Variants in SREBF2 observed in about 807,000 individuals in gnomAD.
SREBF2 encodes sterol regulatory element-binding protein 2.
SREBF2 carries 55 observed loss-of-function variants against 113.1 expected under a neutral mutation model. The ratio of observed to expected loss-of-function variants is 0.49; its 90% CI spans 0.39 to 0.61. The LOEUF is 0.61. SREBF2 is among the 20% of genes least tolerant of loss of function. The pLI is 0.00. For synonymous variants in SREBF2, 593 were observed against 605.7 expected, an observed-to-expected ratio of 0.98 and a Z score of 0.31; for missense variants, 1,349 against 1,487.4, an observed-to-expected ratio of 0.91 and a Z score of 1.53.
At chr22:41,836,692 A>G (rs1318376622) in intron 1 of SREBF2, among the ~76,000 whole-genome samples, 2 of 152,206 alleles carry the variant, frequency 1.3e-5, no homozygotes, top group Non-Finnish European at 2.9e-5. Flanking sequence ...TGGGCTGGGC[A>G]GGATACTAAT....
intron 1 of SREBF2, among the ~76,000 whole-genome samples, chr22:41,861,837 C>T (rs2077029990): frequency 6.6e-6 from 1 of 151,756 alleles, no homozygotes; most frequent in Non-Finnish European, 1.5e-5. Context: ...GCAGAAGAAT[C>T]ACTTGAACCC....
intron 12 of SREBF2, among the ~76,000 whole-genome samples, chr22:41,894,029 A>G (rs770178469): frequency 6.6e-6 from 1 of 152,150 alleles, no homozygotes; most frequent in Non-Finnish European, 1.5e-5. Flanking sequence ...GTATTGCTCA[A>G]CGTGAGAATT....
intron 1 of SREBF2, among the ~76,000 whole-genome samples, chr22:41,836,500 A>G (rs1218400290): frequency 6.6e-6 from 1 of 152,252 alleles, no homozygotes; most frequent in Non-Finnish European, 1.5e-5. Context: ...GCTGAAGGTC[A>G]GTGGTCTGAA....
In SREBF2 at chr22:41,906,296, G is replaced by T; in HGVS notation, c.*636G>T. ...CCTGGGAGGCTGGTGGGAGGCAGGG[G>T]GCAGGCCTGCGGATGCATGAAATAA... On this transcript the variant is annotated 3_prime_UTR_variant, in exon 19 of 19. Coordinates refer to ENST00000361204, the MANE Select transcript of SREBF2 (RefSeq NM_004599.4). The T allele has an allele frequency of 4.2e-6, 1 of 238,034 alleles. No homozygotes were observed. 14.7% of individuals were successfully genotyped at this position (238,034 alleles called of 1,614,324 possible).
intron 1 of SREBF2, among the ~76,000 whole-genome samples, chr22:41,851,428 G>C (rs1396921708): frequency 6.6e-6 from 1 of 151,726 alleles, no homozygotes; most frequent in Non-Finnish European, 1.5e-5. Context: ...AGGATCACTT[G>C]AGTCCAGGAA....
intron 2 of SREBF2, among the ~76,000 whole-genome samples, chr22:41,868,378 C>G (rs1029588573): frequency 1.3e-5 from 2 of 152,132 alleles, no homozygotes; most frequent in Non-Finnish European, 2.9e-5. Context: ...TTTCCCCCAC[C>G]CTGGCACCCA....
intron 1 of SREBF2, among the ~76,000 whole-genome samples, chr22:41,854,466 T>C (rs771776637): frequency 6.6e-6 from 1 of 151,894 alleles, no homozygotes; most frequent in African/African-American, 2.4e-5. Context: ...CCGGCCTGGC[T>C]TTTGTTTTTT....
intron 1 of SREBF2, among the ~76,000 whole-genome samples, chr22:41,860,278 A>C (rs1484828853): frequency 6.6e-6 from 1 of 152,146 alleles, no homozygotes; most frequent in Non-Finnish European, 1.5e-5. Flanking sequence ...GATAGCAAAA[A>C]TGGACGAAGG....
chr22:41,884,782 C>T lies in SREBF2; in HGVS notation c.2039-60C>T. ...CTTACTTTGATCGTGCTGGAGAGAG[C>T]AGGAAAAAGTTTGGTTTTGGGGCTC... is the stretch of plus-strand genomic sequence containing the variant. On this transcript the variant is annotated intron_variant, in intron 10 of 18. Transcript: ENST00000361204. 3.2e-6 allele frequency: 5 copies of T among 1,581,782 alleles called. No homozygotes were observed. The South Asian group carries it at 5.5e-5, about 18-fold the overall frequency.
chr22:41,888,438 A>T (rs766435853), intron 11 of SREBF2, among the ~76,000 whole-genome samples: 1 of 151,272 alleles, frequency 6.6e-6, no homozygotes, highest in African/African-American at 2.5e-5. Context: ...TCATAAATCA[A>T]GGATCCGTGT....
At chr22:41,837,180 C>A (rs1387104892) in intron 1 of SREBF2, among the ~76,000 whole-genome samples, 1 of 152,088 alleles carries the variant, frequency 6.6e-6, no homozygotes, top group East Asian at 1.9e-4. Context: ...TACTTAGATT[C>A]GGAAGTCCAG....
chr22:41,839,466 C>T (rs1365152453), intron 1 of SREBF2, among the ~76,000 whole-genome samples: 3 of 151,932 alleles, frequency 2.0e-5, no homozygotes, highest in African/African-American at 7.3e-5. Flanking sequence ...CAAGGCCATG[C>T]AAGGAGTCGT....
rs769446377 is a variant in SREBF2, at chr22:41,871,055, C to G, written c.867+20C>G. 6.2e-7 allele frequency: 1 copy of G among 1,613,920 alleles called. No homozygotes were observed. Among genetic ancestry groups the G allele is most frequent in the Non-Finnish European group, 8.5e-7 (1 of 1,179,908 alleles). On this transcript the variant is annotated intron_variant, in intron 4 of 18. Coordinates refer to ENST00000361204, the MANE Select transcript of SREBF2 (RefSeq NM_004599.4). The stretch of plus-strand genomic sequence containing the variant: ...GTACCAGTAAGAGCTGCCTTCTCCC[C>G]CACCCTCCTCCCTCCCCCTTTATTC...
chr22:41,864,261 T>TACACACACAC lies in SREBF2; in HGVS notation c.89-2556_89-2547dup, dbSNP rs1158750306. Among the ~76,000 whole-genome samples the TACACACACAC allele has an allele frequency of 4.1e-3, 208 of 50,962 alleles. 3 individuals carry two copies. The highest frequency in any genetic ancestry group is 0.011 in the South Asian group (13 of 1,204). 33.4% of individuals were successfully genotyped at this position (50,962 alleles called of 152,430 possible). On this transcript the variant is annotated intron_variant, in intron 1 of 18. Transcript: ENST00000361204. ...ATATATATATATATATATATATATATACACACACACACACACACACACAAA... is the reference window on the plus strand; with the variant it reads ...ATATATATATATATATATATATATATACACACACACACACACACACACACACACACACAAA...
intron 1 of SREBF2, among the ~76,000 whole-genome samples, chr22:41,849,877 G>A (rs565962305): frequency 1.3e-5 from 2 of 152,120 alleles, no homozygotes; most frequent in African/African-American, 4.8e-5. Flanking sequence ...GGTGACTCAC[G>A]CCTGTAATCC....
At position 41,833,245 on chromosome 22, in the gene SREBF2, G is replaced by GT; in HGVS notation, c.-26_-25insT. On this transcript the variant is annotated 5_prime_UTR_variant, in exon 1 of 19. Transcript: ENST00000361204. This position sits in a 1 kb window ranked among gnomAD's most constrained non-coding sequence, Gnocchi z 4.1. ...CGCGTCTCCCTGAGCGGGACGGCAG[G>GT]GGGGGCTTCTGCGCTGAGCCGGGCG... The GT allele has an allele frequency of 6.6e-7, 1 of 1,513,346 alleles. No homozygotes were observed. The highest frequency in any genetic ancestry group is 8.8e-7 in the Non-Finnish European group (1 of 1,131,070). The allele number at this position is 1,513,346 out of a possible 1,614,324, so 93.7% of individuals were successfully genotyped here.
chr22:41,873,696 C>A, intron 4 of SREBF2, 102 bp from the exon 5 acceptor site: 2 of 1,170,942 alleles, frequency 1.7e-6, no homozygotes, highest in Non-Finnish European at 2.5e-6. Flanking sequence ...GAAGTACTGC[C>A]AGGTCTGGCA....
intron 1 of SREBF2, among the ~76,000 whole-genome samples, chr22:41,848,040 C>T (rs1031259575): frequency 1.6e-4 from 24 of 151,850 alleles, no homozygotes; most frequent in African/African-American, 5.3e-4. Flanking sequence ...CTCAGCTTCC[C>T]GAGTAGCTGG....
chr22:41,877,900 A>C (rs770613266), intron 8 of SREBF2, 42 bp from the exon 9 acceptor site: 83 of 1,612,244 alleles, frequency 5.1e-5, no homozygotes, highest in Non-Finnish European at 6.9e-5. Flanking sequence ...GCTGCTCCGC[A>C]AGGCCTTTCC....
Sources: gnomAD v4.1 joint callset for allele counts (sites outside exome capture counted in the v4.1 genomes callset) on GRCh38, gnomAD v4.1.1 for gene constraint, Gnocchi (gnomAD v3.1) non-coding constraint, MANE v1.5 for transcripts, NCBI Gene and HGNC (gene_info 2026-07-23, HGNC 2026-07-21) for gene names.